Variants in ANKRD13A observed in about 807,000 individuals in gnomAD.
ANKRD13A encodes the protein ankyrin repeat domain-containing protein 13A.
ANKRD13A carries 48 observed loss-of-function variants against 81.3 expected under a neutral mutation model. That is an observed-to-expected ratio of 0.59 (90% CI 0.47 to 0.75). The LOEUF (loss-of-function observed/expected upper bound fraction) is 0.75, where lower values mean the gene tolerates loss of function less well. Among genes scored for constraint, ANKRD13A ranks in the 30% least tolerant of loss-of-function variants. The probability of loss-of-function intolerance (pLI) is 0.00; values close to 1 mark genes in which losing one functional copy is unlikely to be tolerated. For missense variants in ANKRD13A, 612 were observed against 734.0 expected, an observed-to-expected ratio of 0.83 and a Z score of 1.92; for synonymous variants, 230 against 270.1, an observed-to-expected ratio of 0.85 and a Z score of 1.45.
intron 1 of ANKRD13A, among the ~76,000 whole-genome samples, chr12:110,001,662 C>T (rs1018168530): frequency 2.0e-5 from 3 of 152,024 alleles, no homozygotes; most frequent in Admixed American, 6.6e-5. Context: ...TCAAGCAATC[C>T]GCCCACCTCT....
At chr12:110,025,355 CAAA>C (rs1039859014) in intron 7 of ANKRD13A, among the ~76,000 whole-genome samples, 7 of 65,418 alleles carry the variant, frequency 1.1e-4, no homozygotes, top group East Asian at 4.2e-4. Flanking sequence ...GACTCTGTCT[CAAA>C]AAAAAAAAAA....
rs148736556 is a variant in ANKRD13A at position 110,028,979 on chromosome 12, G to A, written c.1076+337G>A. The stretch of plus-strand genomic sequence containing the variant: ...TCTCGAACTCCTGACCTTGTGATCC[G>A]CCCGCCTGGGCCTCCCAAACTGCTG... On this transcript the variant is annotated intron_variant, in intron 10 of 14. Coordinates refer to ENST00000261739, the MANE Select transcript of ANKRD13A (RefSeq NM_033121.2). 7.0e-3 allele frequency: 1,379 copies of A among 195,820 alleles called. 10 individuals carry two copies. Among genetic ancestry groups the A allele is most frequent in the Middle Eastern group, 9.1e-3 (4 of 440 alleles). 12.1% of individuals were successfully genotyped at this position (195,820 alleles called of 1,614,324 possible). A position where few individuals can be genotyped will look rare whatever the true frequency, so the allele number is the denominator to read the frequency against.
rs779530411 is a variant in ANKRD13A, at chr12:110,009,333, G to A, written c.97-2672G>A. On this transcript the variant is annotated intron_variant, in intron 1 of 14. Transcript: ENST00000261739. ...CGACCTCTAGTGATCCACCCGCCTC[G>A]GCCTCTCAAAGTGTTGGGATTACAG... Among the ~76,000 whole-genome samples the A allele has an allele frequency of 1.1e-4, 16 of 152,264 alleles. No homozygotes were observed. The Middle Eastern group carries it at 0.017, about 162-fold the overall frequency.
intron 2 of ANKRD13A, among the ~76,000 whole-genome samples, chr12:110,012,491 G>C (rs1025871694): frequency 1.1e-4 from 16 of 152,066 alleles, no homozygotes; most frequent in African/African-American, 3.9e-4. Context: ...CAAGGAAATG[G>C]GAGCCCAGGA....
In ANKRD13A at chr12:109,999,933, A is replaced by ACTGTC; in HGVS notation, c.96+150_96+151insTGTCC. 1 of 591,412 alleles carries ACTGTC rather than the reference A, an allele frequency of 1.7e-6. No individual in the cohort carries two copies. Among genetic ancestry groups the ACTGTC allele is most frequent in the East Asian group, 3.4e-5 (1 of 29,292 alleles). The allele number at this position is 591,412 out of a possible 1,614,324, so 36.6% of individuals were successfully genotyped here. ...GGTGTGGGACAGTCCTAATAATAGG[A>ACTGTC]CACGTATCGAGTGCTTACCGTGCGA... On this transcript the variant is annotated intron_variant, in intron 1 of 14. Coordinates refer to ENST00000261739, the MANE Select transcript of ANKRD13A (RefSeq NM_033121.2). This position sits in a 1 kb window ranked among gnomAD's most constrained non-coding sequence, Gnocchi z 4.3.
intron 4 of ANKRD13A, among the ~76,000 whole-genome samples, chr12:110,017,663 G>T (rs749042244): frequency 7.2e-5 from 11 of 152,146 alleles, no homozygotes; most frequent in Admixed American, 5.9e-4. Flanking sequence ...GCCGGATGCG[G>T]TGGCTCATGC....
chr12:110,000,564 G>A (rs1889902403), intron 1 of ANKRD13A, among the ~76,000 whole-genome samples: 1 of 152,092 alleles, frequency 6.6e-6, no homozygotes, highest in Admixed American at 6.6e-5. Flanking sequence ...ACCCCCCGGG[G>A]ACATTTGGCA....
chr12:110,037,037 C>T lies in ANKRD13A; in HGVS notation c.1578-322C>T, dbSNP rs148892794. Reference sequence around the variant, plus strand: ...ACAGCTCCAGAGATTACGGGAAAAACCGCGAGGATTCATTTTACGAAGACT... The same window carrying T: ...ACAGCTCCAGAGATTACGGGAAAAATCGCGAGGATTCATTTTACGAAGACT... On this transcript the variant is annotated intron_variant, in intron 14 of 14. Coordinates refer to ENST00000261739, the MANE Select transcript of ANKRD13A (RefSeq NM_033121.2). Among the ~76,000 whole-genome samples the T allele has an allele frequency of 9.6e-4, 146 of 152,284 alleles. 1 individual carries two copies. Among genetic ancestry groups the T allele is most frequent in the African/African-American group, 3.3e-3 (137 of 41,550 alleles).
At chr12:110,015,775 G>A (rs1890761812) in intron 3 of ANKRD13A, among the ~76,000 whole-genome samples, 1 of 151,970 alleles carries the variant, frequency 6.6e-6, no homozygotes, top group Admixed American at 6.6e-5. Flanking sequence ...TCGAACTCCT[G>A]ACCTTAACTC....
At chr12:110,013,303 A>G (rs917874854) in intron 3 of ANKRD13A, 54 bp downstream of exon 3, 1 of 1,604,500 alleles carries the variant, frequency 6.2e-7, no homozygotes, top group African/African-American at 1.3e-5. Context: ...TGATACAATT[A>G]CTGGAGACAC....
At chr12:110,035,156 C>G (rs1411674487) in intron 13 of ANKRD13A, among the ~76,000 whole-genome samples, 1 of 152,224 alleles carries the variant, frequency 6.6e-6, no homozygotes, top group East Asian at 1.9e-4. Flanking sequence ...TCACCATCAG[C>G]CTGGTATGCT....
intron 4 of ANKRD13A, among the ~76,000 whole-genome samples, chr12:110,017,978 G>T (rs1328501327): frequency 6.6e-6 from 1 of 152,058 alleles, no homozygotes; most frequent in African/African-American, 2.4e-5. Context: ...TACTCTGAAT[G>T]GTGGATATGA....
chr12:110,025,681 G>C, intron 7 of ANKRD13A, 61 bp from the exon 8 acceptor site: 1 of 1,307,220 alleles, frequency 7.6e-7, no homozygotes, highest in Non-Finnish European at 1.1e-6. Context: ...TGCTTTTGCT[G>C]TGCTTACTTT....
intron 10 of ANKRD13A, chr12:110,029,214 C>T (rs758389697): frequency 2.6e-5 from 9 of 344,122 alleles, no homozygotes; most frequent in Admixed American, 4.3e-5. Context: ...CTGTTCCACC[C>T]GCTATCATTT....
At chr12:110,015,525 C>G (rs1350076461) in intron 3 of ANKRD13A, among the ~76,000 whole-genome samples, 1 of 152,166 alleles carries the variant, frequency 6.6e-6, no homozygotes, top group Non-Finnish European at 1.5e-5. Context: ...CCCCTCCAAT[C>G]CTCTTATTCT....
rs1566068777 is a variant in ANKRD13A at position 110,039,200 on chromosome 12, ACTT to A, written c.*1650_*1652del. On this transcript the variant is annotated 3_prime_UTR_variant, in exon 15 of 15. Coordinates refer to ENST00000261739, the MANE Select transcript of ANKRD13A (RefSeq NM_033121.2). The stretch of plus-strand genomic sequence containing the variant: ...CTTTGCATTTACCGTGAGCAAAGAT[ACTT>A]CTTGGAATGGCTGCAGTGAGGCCGT... The A allele has an allele frequency of 6.6e-6, 1 of 152,112 alleles. No homozygotes were observed. Among genetic ancestry groups the A allele is most frequent in the Non-Finnish European group, 1.5e-5 (1 of 68,038 alleles). 9.4% of individuals were successfully genotyped at this position (152,112 alleles called of 1,614,324 possible).
At chr12:110,033,709 C>T (rs1158195338) in intron 12 of ANKRD13A, 88 bp from the exon 13 acceptor site, 20 of 1,271,996 alleles carry the variant, frequency 1.6e-5, no homozygotes, top group Non-Finnish European at 2.1e-5. Context: ...TTGAGCCTTT[C>T]TTTTTTTTCT....
At position 110,037,514 on chromosome 12, in the gene ANKRD13A, A is replaced by C; in HGVS notation, c.1733A>C (p.Glu578Ala). ...WELRLQEEEAELQQVLQLSLT... is the reference protein window; with the variant it reads ...WELRLQEEEAALQQVLQLSLT... ...CTCCGGCTCCAGGAGGAAGAGGCTG[A>C]GCTCCAGCAAGTCTTACAGCTGTCA... Residue 578 changes from glutamate (E) to alanine (A), a missense_variant, in exon 15 of 15, where the codon GAG (glutamate) becomes GCG (alanine). Physicochemically the swap from Glu to Ala is moderately radical, Grantham distance 107 (BLOSUM62 -1). Coordinates refer to ENST00000261739, the MANE Select transcript of ANKRD13A (RefSeq NM_033121.2). 6.2e-7 allele frequency: 1 copy of C among 1,614,030 alleles called. No homozygotes were observed. Among genetic ancestry groups the C allele is most frequent in the Admixed American group, 1.7e-5 (1 of 60,034 alleles).
At chr12:110,003,883 G>T (rs1332725606) in intron 1 of ANKRD13A, among the ~76,000 whole-genome samples, 1 of 152,134 alleles carries the variant, frequency 6.6e-6, no homozygotes, top group African/African-American at 2.4e-5. Context: ...TTTTGGCTGG[G>T]CACGGTGGCT....
Sources: gnomAD v4.1 joint callset for allele counts (sites outside exome capture counted in the v4.1 genomes callset) on GRCh38, gnomAD v4.1.1 for gene constraint, Gnocchi (gnomAD v3.1) non-coding constraint, MANE v1.5 for transcripts, NCBI Gene and HGNC (gene_info 2026-07-23, HGNC 2026-07-21) for gene names.